MPP4: variants seen among roughly 807,000 people sequenced by gnomAD.
MPP4 encodes the protein MAGUK p55 scaffold protein 4.
MPP4 carries 91 observed loss-of-function variants against 98.3 expected under a neutral mutation model. That is an observed-to-expected ratio of 0.93 (90% CI 0.78 to 1.10). The LOEUF is 1.10. Among genes scored for constraint, MPP4 ranks in the 50% least tolerant of loss-of-function variants. MPP4 has a pLI of 0.00. For missense variants in MPP4, 744 were observed against 792.9 expected, an observed-to-expected ratio of 0.94 and a Z score of 0.74; for synonymous variants, 261 against 271.8, an observed-to-expected ratio of 0.96 and a Z score of 0.39.
chr2:201,657,311 C>G (rs1259217424), intron 16 of MPP4, among the ~76,000 whole-genome samples: 1 of 152,136 alleles, frequency 6.6e-6, no homozygotes, highest in African/African-American at 2.4e-5. Context: ...GTCATGATTT[C>G]TAAGCTCCTA....
intron 18 of MPP4, chr2:201,651,407 G>A: frequency 2.0e-6 from 2 of 985,330 alleles, no homozygotes; most frequent in Non-Finnish European, 1.2e-6. Context: ...TAGCTCTCAG[G>A]TGATAGTGAA....
chr2:201,688,810 TTTCGCTATG>T (rs869257169), intron 4 of MPP4, among the ~76,000 whole-genome samples: 12 of 151,830 alleles, frequency 7.9e-5, no homozygotes, highest in African/African-American at 2.9e-4. Flanking sequence ...GGAGATGGGG[TTTCGCTATG>T]TTGGCCAGGC....
At position 201,693,968 on chromosome 2, in the gene MPP4, G is replaced by C; in HGVS notation, c.-14C>G. The C allele has an allele frequency of 3.7e-6, 6 of 1,613,958 alleles. No homozygotes were observed. Among genetic ancestry groups the C allele is most frequent in the Non-Finnish European group, 4.2e-6 (5 of 1,179,844 alleles). ...TGACTGTATCATCCTCCCTGCCGGAGCTTCTGAAAGGAATTCAGGACTAGG... is the reference window on the plus strand; with the variant it reads ...TGACTGTATCATCCTCCCTGCCGGACCTTCTGAAAGGAATTCAGGACTAGG... On this transcript the variant is annotated 5_prime_UTR_variant, in exon 2 of 22. Coordinates refer to ENST00000409474, the MANE Select transcript of MPP4 (RefSeq NM_033066.3).
At chr2:201,657,601 G>GTTTTT (rs1393900511) in intron 16 of MPP4, among the ~76,000 whole-genome samples, 3 of 105,024 alleles carry the variant, frequency 2.9e-5, no homozygotes, top group Non-Finnish European at 3.8e-5. Flanking sequence ...TTTTTTTTTT[G>GTTTTT]TTTTTTTGTT....
chr2:201,651,972 G>GAA, intron 18 of MPP4: 87 of 465,650 alleles, frequency 1.9e-4, no homozygotes, highest in East Asian at 6.1e-4. Context: ...AAAACAAACA[G>GAA]AAAAAAAAAA....
At chr2:201,661,219 CCTT>C (rs1688016055) in intron 14 of MPP4, among the ~76,000 whole-genome samples, 1 of 116,784 alleles carries the variant, frequency 8.6e-6, no homozygotes, top group Non-Finnish European at 2.0e-5. Context: ...CCATATCCAG[CCTT>C]TTTTTTTTTT....
chr2:201,662,047 G>T (rs888031493), intron 14 of MPP4: 1 of 385,698 alleles, frequency 2.6e-6, no homozygotes, highest in Admixed American at 3.5e-5. Flanking sequence ...AAATAATTTA[G>T]AAAAGTGGTT....
At chr2:201,654,750 A>ACATTTTTGTATACATTC in intron 18 of MPP4, 87 bp downstream of exon 18, 1 of 877,328 alleles carries the variant, frequency 1.1e-6, no homozygotes, top group Non-Finnish European at 1.7e-6. Context: ...TACTTTTACA[A>ACATTTTTGTATACATTC]CAAAGATGGA....
In MPP4 at chr2:201,664,106, G is replaced by GT; in HGVS notation, c.1052-6_1052-5insA. The GT allele has an allele frequency of 7.1e-7, 1 of 1,407,018 alleles. No individual in the cohort carries two copies. The highest frequency in any genetic ancestry group is 9.8e-7 in the Non-Finnish European group (1 of 1,025,156). 87.2% of individuals were successfully genotyped at this position (1,407,018 alleles called of 1,614,324 possible). A position where few individuals can be genotyped will look rare whatever the true frequency, so the allele number is the denominator to read the frequency against. ...CAGATTCAAATGTTTCTTCATCTAT[G>GT]ATTTTTCATGGAGGCAAAAATCAAA... On this transcript the variant is annotated splice_region_variant and splice_polypyrimidine_tract_variant and intron_variant, in intron 13 of 21. Transcript: ENST00000409474.
intron 10 of MPP4, 105 bp from the exon 11 acceptor site, chr2:201,675,376 A>C: frequency 8.8e-7 from 1 of 1,133,398 alleles, no homozygotes; most frequent in Admixed American, 2.1e-5. Context: ...GTTTCTTAGA[A>C]TTCTGCTGCC....
intron 21 of MPP4, among the ~76,000 whole-genome samples, chr2:201,647,388 A>G (rs922467665): frequency 6.6e-6 from 1 of 152,212 alleles, no homozygotes; most frequent in African/African-American, 2.4e-5. Context: ...TAAGGGTAGC[A>G]TCATAACATT....
intron 16 of MPP4, among the ~76,000 whole-genome samples, chr2:201,657,933 AAT>A (rs1687903700): frequency 2.0e-5 from 3 of 151,322 alleles, no homozygotes; most frequent in African/African-American, 4.8e-5. Context: ...TTCTGAAAGC[AAT>A]ACAGAAAGGT....
intron 15 of MPP4, 105 bp downstream of exon 15, chr2:201,660,227 C>A (rs1037343841): frequency 2.7e-6 from 3 of 1,108,022 alleles, no homozygotes; most frequent in Admixed American, 3.9e-5. Flanking sequence ...CAACAAATTC[C>A]GTATCTTCAT....
chr2:201,663,344 A>T (rs73989532), intron 14 of MPP4, among the ~76,000 whole-genome samples: 3,655 of 152,298 alleles, frequency 0.024, 136 homozygotes, highest in African/African-American at 0.083. Flanking sequence ...AAAGTTCCAA[A>T]ATGCTACATC....
intron 10 of MPP4, among the ~76,000 whole-genome samples, chr2:201,676,043 G>A (rs1331996609): frequency 6.6e-6 from 1 of 152,174 alleles, no homozygotes; most frequent in Non-Finnish European, 1.5e-5. Flanking sequence ...GCCCAGGTAA[G>A]TCATATGTAT....
intron 12 of MPP4, chr2:201,666,862 T>C (rs1264907776): frequency 6.6e-6 from 1 of 152,238 alleles, no homozygotes; most frequent in Non-Finnish European, 1.5e-5. Flanking sequence ...TTACAACTAT[T>C]GCTTACTTGG....
Position 201,645,290 on chromosome 2 carries a change from A to G in MPP4, c.1834T>C (p.Leu612=), listed in dbSNP as rs1687530085. The change falls in exon 22 of 22, where the codon TTG becomes CTG. Residue 612 remains leucine, a synonymous_variant. Coordinates refer to ENST00000409474, the MANE Select transcript of MPP4 (RefSeq NM_033066.3). ...DSLHDACAQL[L]SAIQKAQEEP... is the part of the protein sequence containing the mutation. ...TCCTGAGCCTTCTGTATGGCAGACA[A>G]CAACTGGGCACATGCATCGTGCAAG... 1 of 1,614,020 alleles carries G rather than the reference A, an allele frequency of 6.2e-7. No homozygotes were observed. The highest frequency in any genetic ancestry group is 8.5e-7 in the Non-Finnish European group (1 of 1,179,880).
chr2:201,647,853 A>AT, intron 20 of MPP4, 28 bp from the exon 21 acceptor site: 3 of 1,576,296 alleles, frequency 1.9e-6, no homozygotes, highest in Non-Finnish European at 2.6e-6. Flanking sequence ...ATGCACATTT[A>AT]TTTTTTGTTT....
In MPP4 at chr2:201,669,753, G is replaced by A. The variant is rs1688288569; in HGVS notation, c.995-3C>T. ...CTTACCTTCTTCCATAGAAATTGCTGAGTACAAGCAAATGATTGAAGCAGG... is the reference window on the plus strand; with the variant it reads ...CTTACCTTCTTCCATAGAAATTGCTAAGTACAAGCAAATGATTGAAGCAGG... On this transcript the variant is annotated splice_polypyrimidine_tract_variant and splice_region_variant and intron_variant, in intron 11 of 21. Coordinates refer to ENST00000409474, the MANE Select transcript of MPP4 (RefSeq NM_033066.3). 1.4e-6 allele frequency: 2 copies of A among 1,432,132 alleles called. No homozygotes were observed. The highest frequency in any genetic ancestry group is 5.2e-5 in the East Asian group (2 of 38,520). 88.7% of individuals were successfully genotyped at this position (1,432,132 alleles called of 1,614,324 possible).
Sources: allele counts gnomAD v4.1 joint callset (sites outside exome capture counted in the v4.1 genomes callset), GRCh38; gene constraint gnomAD v4.1.1; transcripts MANE v1.5; gene names NCBI Gene and HGNC (gene_info 2026-07-23, HGNC 2026-07-21).